Variants in AK5 observed in about 807,000 individuals in gnomAD.
The protein encoded by AK5 is adenylate kinase isoenzyme 5.
Under a neutral mutation model 69.5 loss-of-function variants are expected in AK5, and 27 were observed. The observed-to-expected ratio is 0.39, with a 90% confidence interval of 0.29 to 0.54. The LOEUF is 0.54. AK5 is among the 20% of genes least tolerant of loss of function. The pLI is 0.71. For synonymous variants in AK5, 260 were observed against 244.4 expected (o/e 1.06, Z -0.60); for missense variants, 531 against 700.4 (o/e 0.76, Z 2.73).
At chr1:77,404,212 C>T (rs1002850037) in intron 6 of AK5, among the ~76,000 whole-genome samples, 2 of 152,120 alleles carry the variant, frequency 1.3e-5, no homozygotes, top group African/African-American at 4.8e-5. Context: ...AAGGGCTTCA[C>T]AATTTTTTCA....
At chr1:77,398,498 T>C (rs1286147692) in intron 6 of AK5, among the ~76,000 whole-genome samples, 1 of 152,046 alleles carries the variant, frequency 6.6e-6, no homozygotes, top group Non-Finnish European at 1.5e-5. Flanking sequence ...AAGCCTCAAA[T>C]TGCTGGAATG....
chr1:77,402,459 C>T (rs1157160794), intron 6 of AK5, among the ~76,000 whole-genome samples: 4 of 133,308 alleles, frequency 3.0e-5, no homozygotes, highest in African/African-American at 5.6e-5. Flanking sequence ...CCCCACCCCA[C>T]AACAGTCCCC....
At chr1:77,405,174 C>G (rs1001892921) in intron 6 of AK5, among the ~76,000 whole-genome samples, 1 of 152,194 alleles carries the variant, frequency 6.6e-6, no homozygotes, top group African/African-American at 2.4e-5. Flanking sequence ...TTGTGTCAGG[C>G]TTTATGCTGG....
chr1:77,544,698 TGTC>T (rs1013136350), intron 13 of AK5, among the ~76,000 whole-genome samples: 3 of 152,184 alleles, frequency 2.0e-5, no homozygotes, highest in African/African-American at 7.2e-5. Context: ...TGCATGGAGC[TGTC>T]GTCTGCTTTG....
At chr1:77,386,465 G>A (rs932504253) in intron 6 of AK5, among the ~76,000 whole-genome samples, 2 of 152,140 alleles carry the variant, frequency 1.3e-5, no homozygotes. Flanking sequence ...GAGCACACAG[G>A]AGCAGAGGCA....
intron 13 of AK5, among the ~76,000 whole-genome samples, chr1:77,558,355 G>A (rs1395059233): frequency 6.6e-6 from 1 of 152,120 alleles, no homozygotes; most frequent in Admixed American, 6.5e-5. Context: ...GTCCTCACCA[G>A]CATTTGGCGG....
intron 8 of AK5, among the ~76,000 whole-genome samples, chr1:77,434,737 CCTGCAATATAATTGCTTCTTA>C (rs1651855626): frequency 2.0e-5 from 3 of 152,156 alleles, no homozygotes; most frequent in Non-Finnish European, 4.4e-5. Flanking sequence ...GAAAAAGCTT[CCTGCAATATAATTGCTTCTTA>C]CTGGAAGCCC....
intron 6 of AK5, chr1:77,371,589 T>C (rs1198993476): frequency 6.6e-6 from 1 of 152,116 alleles, no homozygotes; most frequent in African/African-American, 2.4e-5. Context: ...GGCTTCCAAG[T>C]TGGGAAGATG....
intron 10 of AK5, among the ~76,000 whole-genome samples, chr1:77,486,863 C>G (rs1655638562): frequency 6.6e-6 from 1 of 152,128 alleles, no homozygotes; most frequent in Non-Finnish European, 1.5e-5. Context: ...AAAAGTAGGG[C>G]TTGAAAGAAT....
chr1:77,317,754 C>G (rs887159567), intron 5 of AK5, among the ~76,000 whole-genome samples: 1 of 152,158 alleles, frequency 6.6e-6, no homozygotes, highest in Non-Finnish European at 1.5e-5. Flanking sequence ...CAATTATTGT[C>G]CACAAATATG....
chr1:77,424,994 A>C (rs1023412074), intron 8 of AK5, among the ~76,000 whole-genome samples: 1 of 152,326 alleles, frequency 6.6e-6, no homozygotes, highest in African/African-American at 2.4e-5. Flanking sequence ...TCAAAAATAG[A>C]GAAACAAATC....
chr1:77,282,282 C>T lies in AK5; in HGVS notation c.-32C>T. 1.3e-6 allele frequency: 2 copies of T among 1,538,844 alleles called. No individual in the cohort carries two copies. Among genetic ancestry groups the T allele is most frequent in the South Asian group, 1.2e-5 (1 of 81,426 alleles). On this transcript the variant is annotated 5_prime_UTR_variant, in exon 1 of 14. Coordinates refer to ENST00000354567, the MANE Select transcript of AK5 (RefSeq NM_174858.3). ...GGTCGCCGCAGCCCGGGAGCCTCCC[C>T]GCTTGCGCCCCAAGGCACGCGCGGC... is the stretch of plus-strand genomic sequence containing the variant.
chr1:77,434,144 AT>A (rs1651816579), intron 8 of AK5, among the ~76,000 whole-genome samples: 1 of 143,584 alleles, frequency 7.0e-6, no homozygotes, highest in South Asian at 2.2e-4. Flanking sequence ...AAATAAATAA[AT>A]AAATAAAATT....
At chr1:77,482,542 G>A (rs1655315982) in intron 8 of AK5, among the ~76,000 whole-genome samples, 2 of 152,122 alleles carry the variant, frequency 1.3e-5, no homozygotes, top group African/African-American at 4.8e-5. Flanking sequence ...AAAGGCCGAG[G>A]TAGGCAGATC....
chr1:77,408,794 G>A (rs112133693), intron 6 of AK5, among the ~76,000 whole-genome samples: 2 of 152,166 alleles, frequency 1.3e-5, no homozygotes, highest in African/African-American at 4.8e-5. Flanking sequence ...GGGGGCACAT[G>A]TAAAGGTTTG....
rs183157289 is a variant in AK5 at position 77,493,632 on chromosome 1, A to C, written c.1147+7280A>C. Reference sequence around the variant, plus strand: ...CCTGGCCCAACTGGAGCACTGTTCCAGCTCCAAACACAGACACCAGATCTC... The same window carrying C: ...CCTGGCCCAACTGGAGCACTGTTCCCGCTCCAAACACAGACACCAGATCTC... On this transcript the variant is annotated intron_variant, in intron 10 of 13. Transcript: ENST00000354567. Among the ~76,000 whole-genome samples the C allele has an allele frequency of 4.7e-4, 71 of 152,152 alleles. No homozygotes were observed. In the East Asian group the frequency reaches 0.011, roughly 24 times the overall value.
chr1:77,329,863 C>T (rs745844098), intron 5 of AK5, among the ~76,000 whole-genome samples: 11 of 152,180 alleles, frequency 7.2e-5, no homozygotes, highest in Admixed American at 2.6e-4. Flanking sequence ...GAGAAGAAGC[C>T]AGGAACTGGA....
chr1:77,532,735 C>T (rs1424338887), intron 12 of AK5, among the ~76,000 whole-genome samples: 1 of 152,158 alleles, frequency 6.6e-6, no homozygotes, highest in Non-Finnish European at 1.5e-5. Context: ...AACTAAGGTC[C>T]CCTGAAAACC....
At chr1:77,318,836 T>C (rs1345014179) in intron 5 of AK5, among the ~76,000 whole-genome samples, 1 of 152,148 alleles carries the variant, frequency 6.6e-6, no homozygotes, top group Non-Finnish European at 1.5e-5. Flanking sequence ...CAATTTACAA[T>C]ATTTATATGA....
Sources: gnomAD v4.1 joint callset for allele counts (sites outside exome capture counted in the v4.1 genomes callset) on GRCh38, gnomAD v4.1.1 for gene constraint, MANE v1.5 for transcripts, NCBI Gene and HGNC (gene_info 2026-07-23, HGNC 2026-07-21) for gene names.